VPS33B: variants seen among roughly 807,000 people sequenced by gnomAD.
The protein encoded by VPS33B is VPS33B late endosome and lysosome associated, also known as vacuolar protein sorting-associated protein 33B.
A neutral mutation model predicts 95.3 loss-of-function variants in VPS33B; 80 were observed. The ratio of observed to expected loss-of-function variants is 0.84; its 90% CI spans 0.70 to 1.01. The LOEUF is 1.01. VPS33B is among the 50% of genes least tolerant of loss of function. VPS33B has a pLI of 0.00. For synonymous variants in VPS33B, 280 were observed against 280.4 expected (o/e 1.00, Z 0.01); for missense variants, 715 against 773.4 (o/e 0.92, Z 0.90).
At chr15:91,017,420 A>G (rs1211726432) in intron 2 of VPS33B, among the ~76,000 whole-genome samples, 1 of 113,586 alleles carries the variant, frequency 8.8e-6, no homozygotes, top group African/African-American at 3.3e-5. Flanking sequence ...ATATATATAT[A>G]TATTCTGTAG....
Position 91,009,678 on chromosome 15 carries a change from A to G in VPS33B, c.403+123T>C. 1 of 1,025,332 alleles carries G rather than the reference A, an allele frequency of 9.8e-7. No homozygotes were observed. 63.5% of individuals were successfully genotyped at this position (1,025,332 alleles called of 1,614,324 possible). ...GAACCTCTCCTCCTGCTACACTAAC[A>G]GGAATAAGACCAGGAAAAGAAGGAG... On this transcript the variant is annotated intron_variant, in intron 6 of 22. Transcript: ENST00000333371. This position sits in a 1 kb window ranked among gnomAD's most constrained non-coding sequence, Gnocchi z 4.1.
In VPS33B at chr15:90,999,832, G is replaced by C; in HGVS notation, c.1658-39C>G. 1 of 1,613,820 alleles carries C rather than the reference G, an allele frequency of 6.2e-7. No individual in the cohort carries two copies. Among genetic ancestry groups the C allele is most frequent in the African/African-American group, 1.3e-5 (1 of 74,990 alleles). On this transcript the variant is annotated intron_variant, in intron 21 of 22. Coordinates refer to ENST00000333371, the MANE Select transcript of VPS33B (RefSeq NM_018668.5). The surrounding 1 kb of genome is among the most constrained non-coding windows in gnomAD (Gnocchi z 5.1). ...ACCAGATTCAGCCCTTCCCTGACATGCTAGTCCTGAGTGGTGCATCCAGCC... is the reference window on the plus strand; with the variant it reads ...ACCAGATTCAGCCCTTCCCTGACATCCTAGTCCTGAGTGGTGCATCCAGCC...
intron 18 of VPS33B, among the ~76,000 whole-genome samples, chr15:91,001,678 T>C (rs1489110649): frequency 6.6e-6 from 1 of 152,138 alleles, no homozygotes; most frequent in Non-Finnish European, 1.5e-5. Context: ...CTCTACTAAA[T>C]GCAATCCACA....
chr15:91,022,508 C>T lies in VPS33B; in HGVS notation c.-259G>A, dbSNP rs985364957. 1.4e-5 allele frequency: 5 copies of T among 364,142 alleles called. No individual in the cohort carries two copies. Among genetic ancestry groups the T allele is most frequent in the Non-Finnish European group, 2.5e-5 (5 of 200,544 alleles). The allele number at this position is 364,142 out of a possible 1,614,324, so 22.6% of individuals were successfully genotyped here. On this transcript the variant is annotated 5_prime_UTR_variant, in exon 1 of 23. Transcript: ENST00000333371. ...CCCTCCCTCCCTGATCCACTCTGCCCGTCAGCAGGATTCCGGTCTACACCC... is the reference window on the plus strand; with the variant it reads ...CCCTCCCTCCCTGATCCACTCTGCCTGTCAGCAGGATTCCGGTCTACACCC...
rs2040747845 is a variant in VPS33B, at chr15:91,010,399, T to C, written c.358-553A>G. ...GTGAATCGCTTGAGCCCAGAAGTTC[T>C]AGACCAGTCTGGGCAACATAGTGAC... On this transcript the variant is annotated intron_variant, in intron 5 of 22. Transcript: ENST00000333371. This position sits in a 1 kb window ranked among gnomAD's most constrained non-coding sequence, Gnocchi z 5.7. Among the ~76,000 whole-genome samples, 1 of 152,170 alleles carries C rather than the reference T, an allele frequency of 6.6e-6. No homozygotes were observed. Among genetic ancestry groups the C allele is most frequent in the Non-Finnish European group, 1.5e-5 (1 of 68,030 alleles).
Position 91,009,479 on chromosome 15 carries a change from G to C in VPS33B, c.403+322C>G, listed in dbSNP as rs141254221. ...GCGCCATCACGCCCAGCTAATTATT[G>C]TATTTTTAGTAGAGATGGGGTTTCA... is the stretch of plus-strand genomic sequence containing the variant. On this transcript the variant is annotated intron_variant, in intron 6 of 22. Transcript: ENST00000333371. This position sits in a 1 kb window ranked among gnomAD's most constrained non-coding sequence, Gnocchi z 4.1. Among the ~76,000 whole-genome samples, 2 of 152,032 alleles carry C rather than the reference G, an allele frequency of 1.3e-5. No homozygotes were observed. Among genetic ancestry groups the C allele is most frequent in the South Asian group, 4.2e-4 (2 of 4,802 alleles).
chr15:91,020,619 G>A (rs1195126845), intron 1 of VPS33B, among the ~76,000 whole-genome samples: 1 of 152,178 alleles, frequency 6.6e-6, no homozygotes, highest in Non-Finnish European at 1.5e-5. Context: ...GGTAGCTCAA[G>A]CCTATAATCC....
Position 91,005,187 on chromosome 15 carries a change from T to A in VPS33B, c.1106-68A>T. 1 of 1,613,564 alleles carries A rather than the reference T, an allele frequency of 6.2e-7. No homozygotes were observed. Among genetic ancestry groups the A allele is most frequent in the Non-Finnish European group, 8.5e-7 (1 of 1,179,968 alleles). On this transcript the variant is annotated intron_variant, in intron 14 of 22. Transcript: ENST00000333371. This position sits in a 1 kb window ranked among gnomAD's most constrained non-coding sequence, Gnocchi z 6.4. Reference sequence around the variant, plus strand: ...AGCTGCTGCCATCTATGCTAACAGGTGTCTGTCTCCCCATCTCTTTCTCCA... The same window carrying A: ...AGCTGCTGCCATCTATGCTAACAGGAGTCTGTCTCCCCATCTCTTTCTCCA...
chr15:91,014,117 G>A (rs552019331), intron 4 of VPS33B, among the ~76,000 whole-genome samples: 5 of 151,608 alleles, frequency 3.3e-5, no homozygotes, highest in Non-Finnish European at 7.4e-5. Flanking sequence ...TACTTGGGAG[G>A]CTAAGGCAAG....
chr15:91,019,875 G>A (rs1028631483), intron 1 of VPS33B, among the ~76,000 whole-genome samples: 1 of 151,352 alleles, frequency 6.6e-6, no homozygotes, highest in African/African-American at 2.4e-5. Flanking sequence ...ACGCGATCTC[G>A]GCTCACCGCA....
In VPS33B at chr15:91,006,789, T is replaced by G; in HGVS notation, c.701-60A>C. On this transcript the variant is annotated intron_variant, in intron 9 of 22. Transcript: ENST00000333371. The surrounding 1 kb of genome is among the most constrained non-coding windows in gnomAD (Gnocchi z 5.4). ...CTGACCCAGCCTTCTACACAGCATG[T>G]CCAAGGGCAGCTTTGATACTTTCCA... 6.2e-7 allele frequency: 1 copy of G among 1,605,660 alleles called. No individual in the cohort carries two copies. Among genetic ancestry groups the G allele is most frequent in the Non-Finnish European group, 8.5e-7 (1 of 1,172,400 alleles).
rs188407344 is a variant in VPS33B at position 91,011,623 on chromosome 15, A to G, written c.358-1777T>C. Among the ~76,000 whole-genome samples the G allele has an allele frequency of 6.6e-6, 1 of 152,260 alleles. No individual in the cohort carries two copies. Among genetic ancestry groups the G allele is most frequent in the African/African-American group, 2.4e-5 (1 of 41,560 alleles). On this transcript the variant is annotated intron_variant, in intron 5 of 22. Transcript: ENST00000333371. The surrounding 1 kb of genome is among the most constrained non-coding windows in gnomAD (Gnocchi z 5.5). The stretch of plus-strand genomic sequence containing the variant: ...GTGGAGAACACTCATAAAAATAACT[A>G]TTTTGTTTTTCTGTGTAATAGAGAG...
chr15:90,998,418 A>G (rs12907381), downstream of VPS33B: 12,039 of 162,826 alleles, frequency 0.074, 571 homozygotes, highest in South Asian at 0.15. The surrounding 1 kb of genome is among the most constrained non-coding windows in gnomAD (Gnocchi z 4.8). Context: ...CAACAAAGTC[A>G]TTTTCTCAAA....
Position 91,013,835 on chromosome 15 carries a change from C to G in VPS33B, c.326G>C (p.Arg109Pro). The change falls in exon 5 of 23, where the codon CGC becomes CCC. Residue 109 changes from arginine to proline, a missense_variant. Physicochemically the swap from Arg to Pro is moderately radical, Grantham distance 103. Coordinates refer to ENST00000333371, the MANE Select transcript of VPS33B (RefSeq NM_018668.5). The surrounding 1 kb of genome is among the most constrained non-coding windows in gnomAD (Gnocchi z 4.5). ...AGGGCTGAAGATCACTTTGTATTTG[C>G]GAGTTCGGCCAGCCAATTTGTCAGC... ...VNADKLAGRT[R>P]KYKVIFSPQK... 1 of 1,614,074 alleles carries G rather than the reference C, an allele frequency of 6.2e-7. No individual in the cohort carries two copies. The highest frequency in any genetic ancestry group is 8.5e-7 in the Non-Finnish European group (1 of 1,179,998).
intron 3 of VPS33B, 115 bp from the exon 4 acceptor site, chr15:91,014,548 T>C (rs2040871002): frequency 8.8e-7 from 1 of 1,133,228 alleles, no homozygotes; most frequent in Non-Finnish European, 1.3e-6. Context: ...GGTCTCATCC[T>C]AGCCAAAGCT....
chr15:91,019,180 C>T (rs1255297171), intron 1 of VPS33B, among the ~76,000 whole-genome samples: 6 of 139,534 alleles, frequency 4.3e-5, no homozygotes, highest in East Asian at 2.1e-4. Flanking sequence ...TGGAGTGGCA[C>T]GACCTCAGCT....
intron 3 of VPS33B, among the ~76,000 whole-genome samples, chr15:91,016,206 G>A (rs1298794814): frequency 6.6e-6 from 1 of 152,102 alleles, no homozygotes; most frequent in East Asian, 1.9e-4. Context: ...AAAGGGTGAA[G>A]GCACAGGCTG....
In VPS33B at chr15:91,005,645, C is replaced by A. The variant is rs779665905; in HGVS notation, c.1030+49G>T. On this transcript the variant is annotated intron_variant, in intron 13 of 22. Transcript: ENST00000333371. The surrounding 1 kb of genome is among the most constrained non-coding windows in gnomAD (Gnocchi z 6.4). ...GAGTAATGGTCCTCTGGAGCTTTCC[C>A]CAGAGGGACACAGTCACTTCCCCTC... 1 of 1,609,762 alleles carries A rather than the reference C, an allele frequency of 6.2e-7. No individual in the cohort carries two copies. The highest frequency in any genetic ancestry group is 1.7e-5 in the Admixed American group (1 of 60,018).
In VPS33B at chr15:91,016,948, C is replaced by T. The variant is rs12102085; in HGVS notation, c.239+15G>A. 2 of 1,613,786 alleles carry T rather than the reference C, an allele frequency of 1.2e-6. No individual in the cohort carries two copies. The highest frequency in any genetic ancestry group is 8.5e-7 in the Non-Finnish European group (1 of 1,179,744). ...TTCCAGCTTGGAGTAGGGACAGACT[C>T]TCCCAGACACTCACTGTTCATTGGA... On this transcript the variant is annotated intron_variant, in intron 3 of 22. Transcript: ENST00000333371.
Sources: gnomAD v4.1 joint callset for allele counts (sites outside exome capture counted in the v4.1 genomes callset) on GRCh38, gnomAD v4.1.1 for gene constraint, Gnocchi (gnomAD v3.1) non-coding constraint, MANE v1.5 for transcripts, NCBI Gene and HGNC (gene_info 2026-07-23, HGNC 2026-07-21) for gene names.